PTPRD: variants seen among roughly 807,000 people sequenced by gnomAD.
The protein encoded by PTPRD is protein tyrosine phosphatase receptor type D.
A neutral mutation model predicts 214.5 loss-of-function variants in PTPRD; 34 were observed. The ratio of observed to expected loss-of-function variants is 0.16; its 90% CI spans 0.12 to 0.21. The LOEUF is 0.21. Among genes scored for constraint, PTPRD ranks in the 10% least tolerant of loss-of-function variants. The probability of loss-of-function intolerance (pLI) is 1.00; values close to 1 mark genes in which losing one functional copy is unlikely to be tolerated. For missense variants in PTPRD, 2,545 were observed against 2,398.7 expected (o/e 1.06, Z -1.27); for synonymous variants, 1,128 against 845.7 (o/e 1.33, Z -5.79).
chr9:10,557,498 A>C (rs914996519), intron 2 of PTPRD, among the ~76,000 whole-genome samples: 5 of 152,086 alleles, frequency 3.3e-5, no homozygotes, highest in Non-Finnish European at 5.9e-5. Context: ...AAACCTGCTT[A>C]AGTTAGATCC....
Position 8,317,008 on chromosome 9 carries a change from T to G in PTPRD, c.*866A>C, listed in dbSNP as rs1822338326. 4.3e-6 allele frequency: 1 copy of G among 231,718 alleles called. No individual in the cohort carries two copies. The highest frequency in any genetic ancestry group is 8.6e-6 in the Non-Finnish European group (1 of 116,846). 14.4% of individuals were successfully genotyped at this position (231,718 alleles called of 1,614,324 possible). On this transcript the variant is annotated 3_prime_UTR_variant, in exon 46 of 46. Transcript: ENST00000381196. ...ATATGTTAGCAGCAACTTTATACTT[T>G]GCGCCTCCCTGTTGATTCCAAAAAC...
intron 3 of PTPRD, among the ~76,000 whole-genome samples, chr9:10,180,268 T>G (rs1402083932): frequency 2.0e-5 from 3 of 151,988 alleles, no homozygotes; most frequent in African/African-American, 4.8e-5. Flanking sequence ...ACAAAGATGT[T>G]TCTTATACAC....
chr9:9,646,969 C>T (rs1174197137), intron 7 of PTPRD, among the ~76,000 whole-genome samples: 2 of 152,106 alleles, frequency 1.3e-5, no homozygotes, highest in African/African-American at 4.8e-5. Context: ...GTGCAGGGGG[C>T]TCATATAGAG....
intron 35 of PTPRD, among the ~76,000 whole-genome samples, chr9:8,435,110 C>G (rs2381800): frequency 2.6e-5 from 4 of 151,990 alleles, no homozygotes; most frequent in African/African-American, 4.8e-5. Context: ...AGTATGCAAA[C>G]TGAATGAAAC....
chr9:9,445,374 C>T (rs907208395), intron 8 of PTPRD, among the ~76,000 whole-genome samples: 1 of 152,158 alleles, frequency 6.6e-6, no homozygotes, highest in Admixed American at 6.6e-5. Context: ...TTCCTTTTTA[C>T]ATTTCTTTCT....
intron 11 of PTPRD, among the ~76,000 whole-genome samples, chr9:8,911,241 GA>G (rs1566956834): frequency 6.6e-6 from 1 of 152,192 alleles, no homozygotes; most frequent in African/African-American, 2.4e-5. Context: ...GTCCTGAGAA[GA>G]GACATATAGA....
chr9:10,110,939 C>T (rs1172703805), intron 3 of PTPRD, among the ~76,000 whole-genome samples: 1 of 152,016 alleles, frequency 6.6e-6, no homozygotes, highest in Non-Finnish European at 1.5e-5. Flanking sequence ...ATCTGGACTG[C>T]TATTTATTTT....
chr9:8,544,164 CTT>C (rs373194856), intron 14 of PTPRD, among the ~76,000 whole-genome samples: 114 of 111,110 alleles, frequency 1.0e-3, no homozygotes, highest in African/African-American at 3.5e-3. Context: ...TTTGCCATTA[CTT>C]TTTTTTTTTT....
chr9:10,594,031 C>T (rs902683650), intron 2 of PTPRD, among the ~76,000 whole-genome samples: 12 of 151,866 alleles, frequency 7.9e-5, no homozygotes, highest in African/African-American at 2.2e-4. Flanking sequence ...TTCCCTTTCT[C>T]GCTATAAGAA....
chr9:10,376,997 T>C (rs1193715792), intron 2 of PTPRD, among the ~76,000 whole-genome samples: 1 of 151,996 alleles, frequency 6.6e-6, no homozygotes, highest in Non-Finnish European at 1.5e-5. Flanking sequence ...CTAGGTCTTA[T>C]TCATTATTTT....
At chr9:9,716,763 T>A (rs1446518338) in intron 7 of PTPRD, among the ~76,000 whole-genome samples, 1 of 152,116 alleles carries the variant, frequency 6.6e-6, no homozygotes, top group African/African-American at 2.4e-5. Context: ...CTTTGTCAGA[T>A]GAGTAGGTTG....
Position 8,497,828 on chromosome 9 carries a change from G to A in PTPRD, c.2323-560C>T, listed in dbSNP as rs182903477. Among the ~76,000 whole-genome samples the A allele has an allele frequency of 2.9e-4, 44 of 152,198 alleles. No individual in the cohort carries two copies. The East Asian group carries it at 7.3e-3, about 25-fold the overall frequency. On this transcript the variant is annotated intron_variant, in intron 25 of 45. Coordinates refer to ENST00000381196, the MANE Select transcript of PTPRD (RefSeq NM_002839.4). The stretch of plus-strand genomic sequence containing the variant: ...AATGCATTTGGTATTATATAATTTC[G>A]TTAACTACCATATTTTGCAATGGAA...
At chr9:9,663,346 A>G (rs2096655337) in intron 7 of PTPRD, among the ~76,000 whole-genome samples, 1 of 151,522 alleles carries the variant, frequency 6.6e-6, no homozygotes, top group South Asian at 2.1e-4. Flanking sequence ...TAGTTATATC[A>G]ATAAACTTAA....
At chr9:9,728,889 C>G (rs1448271769) in intron 7 of PTPRD, among the ~76,000 whole-genome samples, 3 of 151,920 alleles carry the variant, frequency 2.0e-5, no homozygotes, top group African/African-American at 7.3e-5. Flanking sequence ...TTAAGTGATT[C>G]ATAGTTGATT....
intron 36 of PTPRD, among the ~76,000 whole-genome samples, chr9:8,401,071 T>C (rs1372080861): frequency 6.6e-6 from 1 of 152,220 alleles, no homozygotes; most frequent in Non-Finnish European, 1.5e-5. Flanking sequence ...AGTTTAGGCA[T>C]AATATTATAT....
intron 32 of PTPRD, among the ~76,000 whole-genome samples, chr9:8,463,266 G>A (rs934941150): frequency 1.2e-5 from 1 of 81,296 alleles, no homozygotes; most frequent in African/African-American, 4.9e-5. Context: ...ATTACAAGAA[G>A]ATAAAAACTC....
At chr9:9,247,326 C>A (rs754294197) in intron 9 of PTPRD, among the ~76,000 whole-genome samples, 1 of 152,052 alleles carries the variant, frequency 6.6e-6, no homozygotes, top group Non-Finnish European at 1.5e-5. Context: ...TGTCCAATCA[C>A]ATTTCTACCT....
chr9:9,931,138 G>C (rs1425131523), intron 5 of PTPRD, among the ~76,000 whole-genome samples: 2 of 151,936 alleles, frequency 1.3e-5, no homozygotes, highest in Admixed American at 6.6e-5. Flanking sequence ...TTCAAAATTA[G>C]AAGTTACTTT....
chr9:8,844,344 T>A (rs1179361648), intron 11 of PTPRD, among the ~76,000 whole-genome samples: 1 of 152,140 alleles, frequency 6.6e-6, no homozygotes, highest in African/African-American at 2.4e-5. Context: ...TTTGAAAGAT[T>A]TTCACAATCA....
Sources: gnomAD v4.1 joint callset for allele counts (sites outside exome capture counted in the v4.1 genomes callset) on GRCh38, gnomAD v4.1.1 for gene constraint, MANE v1.5 for transcripts, NCBI Gene and HGNC (gene_info 2026-07-23, HGNC 2026-07-21) for gene names.